The following OR4N2 variants were observed in gnomAD, a reference collection of about 807,000 sequenced individuals.
The protein encoded by OR4N2 is olfactory receptor family 4 subfamily N member 2, also known as olfactory receptor 4N2.
For missense variants in OR4N2, 307 were observed against 377.6 expected, an observed-to-expected ratio of 0.81 and a Z score of 1.55; for synonymous variants, 141 against 140.4, an observed-to-expected ratio of 1.00 and a Z score of -0.03.
In OR4N2 at chr14:19,827,776, G is replaced by A. The variant is rs1420506576; in HGVS notation, c.328G>A (p.Gly110Arg). 1.9e-6 allele frequency: 3 copies of A among 1,614,216 alleles called. No homozygotes were observed. Among genetic ancestry groups the A allele is most frequent in the South Asian group, 2.2e-5 (2 of 91,090 alleles). The change falls in exon 2 of 2, where the codon GGG becomes AGG. Residue 110 changes from glycine (G) to arginine (R), a missense_variant. Coordinates refer to ENST00000557677, the MANE Select transcript of OR4N2 (RefSeq NM_001004723.3). The stretch of plus-strand genomic sequence containing the variant: ...CTTTTTCTTGCACTTCCTTGGAGGA[G>A]GGGAGGGATTACTCCTTGTTGTGAT... The part of the protein sequence containing the change: ...QLFFLHFLGG[G>R]EGLLLVVMAF...
chr14:19,825,537 A>G (rs1197668828), intron 1 of OR4N2, among the ~76,000 whole-genome samples: 1 of 145,722 alleles, frequency 6.9e-6, no homozygotes, highest in African/African-American at 2.5e-5. Flanking sequence ...TTATTTATTT[A>G]TTTATTTATT....
At chr14:19,824,710 G>T (rs1427837376) in intron 1 of OR4N2, among the ~76,000 whole-genome samples, 10 of 152,222 alleles carry the variant, frequency 6.6e-5, no homozygotes, top group Admixed American at 3.9e-4. Flanking sequence ...TTATGATGAT[G>T]CATTTCCACT....
chr14:19,820,132 A>G (rs1255360294), intron 1 of OR4N2, among the ~76,000 whole-genome samples: 1 of 152,252 alleles, frequency 6.6e-6, no homozygotes, highest in African/African-American at 2.4e-5. Context: ...GACCCCTGCT[A>G]GGAGGTGTCT....
At chr14:19,811,873 C>T (rs1404313073) in intron 1 of OR4N2, among the ~76,000 whole-genome samples, 2 of 152,210 alleles carry the variant, frequency 1.3e-5, no homozygotes, top group African/African-American at 2.4e-5. Flanking sequence ...AATGCATGCC[C>T]CCTTAAGATT....
intron 1 of OR4N2, among the ~76,000 whole-genome samples, chr14:19,809,154 A>G (rs1196983027): frequency 3.3e-5 from 4 of 121,590 alleles, no homozygotes; most frequent in African/African-American, 5.9e-5. Context: ...GCCAGATACA[A>G]AAAAAAAAAA....
intron 1 of OR4N2, among the ~76,000 whole-genome samples, chr14:19,816,724 A>T (rs1879436853): frequency 6.6e-6 from 1 of 152,200 alleles, no homozygotes; most frequent in African/African-American, 2.4e-5. Flanking sequence ...AGAACTTCCA[A>T]TACTGTGTTG....
chr14:19,810,483 A>G (rs1879269226), intron 1 of OR4N2, among the ~76,000 whole-genome samples: 2 of 152,400 alleles, frequency 1.3e-5, no homozygotes, highest in South Asian at 4.1e-4. Flanking sequence ...CAATCTCATT[A>G]TTGAGTACAT....
In OR4N2 at chr14:19,828,290, T is replaced by C; in HGVS notation, c.842T>C (p.Leu281Ser). 2 of 1,614,200 alleles carry C rather than the reference T, an allele frequency of 1.2e-6. No homozygotes were observed. Reference protein sequence around the residue: ...VSLFHTVIFPLLNPVIYTLRN... With the variant: ...VSLFHTVIFPSLNPVIYTLRN... ...CTCTTCCACACAGTGATTTTTCCTT[T>C]GTTGAATCCTGTCATTTATACCCTT... The change falls in exon 2 of 2, where the codon TTG becomes TCG. Residue 281 changes from leucine to serine, a missense_variant. By Grantham distance (145) the Leu-to-Ser change is moderately radical (BLOSUM62 -2). Coordinates refer to ENST00000557677, the MANE Select transcript of OR4N2 (RefSeq NM_001004723.3).
intron 1 of OR4N2, among the ~76,000 whole-genome samples, chr14:19,824,846 CTA>C (rs1382089084): frequency 6.6e-5 from 10 of 151,974 alleles, no homozygotes; most frequent in African/African-American, 2.4e-4. Context: ...ATTCAACTGT[CTA>C]TGTTACCAGC....
chr14:19,825,382 G>T (rs1879667839), intron 1 of OR4N2, among the ~76,000 whole-genome samples: 1 of 152,152 alleles, frequency 6.6e-6, no homozygotes, highest in Non-Finnish European at 1.5e-5. Flanking sequence ...GTGTTTGTTT[G>T]CTTGTTTGTT....
Position 19,824,030 on chromosome 14 carries a change from G to A in OR4N2, c.-9-3410G>A, listed in dbSNP as rs111974527. On this transcript the variant is annotated intron_variant, in intron 1 of 1. Transcript: ENST00000557677. Reference sequence around the variant, plus strand: ...CCTTCATCTTCCCTATTTCTGTAGTGTGTCATCATGGCCAGAAACTGATCA... The same window carrying A: ...CCTTCATCTTCCCTATTTCTGTAGTATGTCATCATGGCCAGAAACTGATCA... 6.3e-3 allele frequency among the ~76,000 whole-genome samples: 966 copies of A among 152,202 alleles called. 7 individuals carry two copies. Among genetic ancestry groups the A allele is most frequent in the African/African-American group, 0.021 (866 of 41,460 alleles).
intron 1 of OR4N2, among the ~76,000 whole-genome samples, chr14:19,818,145 G>A (rs1049386736): frequency 4.6e-5 from 7 of 152,262 alleles, no homozygotes; most frequent in African/African-American, 1.7e-4. Context: ...ATGTGGTGCT[G>A]AGAAGAATAT....
At chr14:19,822,909 C>T (rs1277279697) in intron 1 of OR4N2, among the ~76,000 whole-genome samples, 1 of 152,230 alleles carries the variant, frequency 6.6e-6, no homozygotes, top group Non-Finnish European at 1.5e-5. Context: ...GTTAATTGCT[C>T]ATTCAAGGCA....
chr14:19,814,355 C>T (rs1328581193), intron 1 of OR4N2, among the ~76,000 whole-genome samples: 2 of 152,174 alleles, frequency 1.3e-5, no homozygotes, highest in African/African-American at 4.8e-5. Context: ...CTATCCTATA[C>T]CAAGAAACTA....
chr14:19,825,534 T>G (rs1436093366), intron 1 of OR4N2, among the ~76,000 whole-genome samples: 1 of 143,814 alleles, frequency 7.0e-6, no homozygotes. Flanking sequence ...CACTTATTTA[T>G]TTATTTATTT....
intron 1 of OR4N2, among the ~76,000 whole-genome samples, chr14:19,817,604 G>T (rs1323947701): frequency 6.6e-6 from 1 of 152,176 alleles, no homozygotes; most frequent in Non-Finnish European, 1.5e-5. Context: ...CTGGTTAGTG[G>T]TCTATTTATT....
intron 1 of OR4N2, among the ~76,000 whole-genome samples, chr14:19,819,834 T>C (rs1879519028): frequency 2.0e-5 from 3 of 152,282 alleles, no homozygotes; most frequent in Non-Finnish European, 2.9e-5. Flanking sequence ...TCTAACTTTG[T>C]TCTTTGATGT....
chr14:19,806,469 G>A (rs1156586234), intron 1 of OR4N2, among the ~76,000 whole-genome samples: 1 of 151,970 alleles, frequency 6.6e-6, no homozygotes, highest in African/African-American at 2.4e-5. Flanking sequence ...CAATTACCAA[G>A]GACAAAGAAA....
chr14:19,818,680 C>T (rs1313429938), intron 1 of OR4N2, among the ~76,000 whole-genome samples: 4 of 152,188 alleles, frequency 2.6e-5, no homozygotes, highest in Admixed American at 2.0e-4. Flanking sequence ...AACCCATTTA[C>T]ATTTAAGGTT....
Sources: gnomAD v4.1 joint callset for allele counts (sites outside exome capture counted in the v4.1 genomes callset) on GRCh38, gnomAD v4.1.1 for gene constraint, MANE v1.5 for transcripts, NCBI Gene and HGNC (gene_info 2026-07-23, HGNC 2026-07-21) for gene names.